TASP1: variants seen among roughly 807,000 people sequenced by gnomAD.
TASP1 encodes taspase 1, also known as threonine aspartase 1.
A neutral mutation model predicts 56.6 loss-of-function variants in TASP1; 16 were observed. The ratio of observed to expected loss-of-function variants is 0.28; its 90% CI spans 0.19 to 0.43. The LOEUF (loss-of-function observed/expected upper bound fraction) is 0.43, where lower values mean the gene tolerates loss of function less well. Ranked by LOEUF, TASP1 falls within the 20% of genes least tolerant of loss-of-function variation. TASP1 has a pLI of 1.00. For synonymous variants in TASP1, 179 were observed against 184.2 expected, an observed-to-expected ratio of 0.97 and a Z score of 0.23; for missense variants, 393 against 511.6, an observed-to-expected ratio of 0.77 and a Z score of 2.24.
At chr20:13,220,234 A>G in the TASP1 span, among the ~76,000 whole-genome samples, 2 of 152,190 alleles carry the variant, frequency 1.3e-5, no homozygotes, top group East Asian at 3.9e-4. Context: ...CGCTACTCCG[A>G]GTCACTTCGG....
At chr20:13,285,870 G>T in the TASP1 span, among the ~76,000 whole-genome samples, 2 of 152,192 alleles carry the variant, frequency 1.3e-5, no homozygotes, top group Admixed American at 1.3e-4. Flanking sequence ...CAAAGTTCAG[G>T]GGTGATGTCT....
At chr20:13,512,302 C>T (rs2044361469) in intron 10 of TASP1, among the ~76,000 whole-genome samples, 2 of 152,002 alleles carry the variant, frequency 1.3e-5, no homozygotes, top group African/African-American at 2.4e-5. Context: ...ACCATTCTAA[C>T]TGGTGTGAGA....
At chr20:13,185,367 T>C in the TASP1 span, among the ~76,000 whole-genome samples, 1 of 151,898 alleles carries the variant, frequency 6.6e-6, no homozygotes, top group Non-Finnish European at 1.5e-5. Context: ...CTTTCTGAAA[T>C]GTTCTTAGGT....
At chr20:13,185,653 C>T in the TASP1 span, among the ~76,000 whole-genome samples, 2 of 152,072 alleles carry the variant, frequency 1.3e-5, no homozygotes, top group Admixed American at 6.6e-5. Flanking sequence ...CAATGGAATT[C>T]TCTCTAAAAT....
At chr20:13,551,471 GA>G (rs2045981469) in intron 8 of TASP1, among the ~76,000 whole-genome samples, 2 of 151,386 alleles carry the variant, frequency 1.3e-5, no homozygotes, top group South Asian at 4.2e-4. Context: ...GAAGAGAAAG[GA>G]AAAAAAAGGC....
the TASP1 span, among the ~76,000 whole-genome samples, chr20:13,305,445 A>G: frequency 1.3e-5 from 2 of 152,224 alleles, no homozygotes; most frequent in Non-Finnish European, 2.9e-5. Flanking sequence ...AGAGTTATGA[A>G]TAAGCTTCCC....
the TASP1 span, among the ~76,000 whole-genome samples, chr20:13,355,276 A>C: frequency 2.0e-5 from 3 of 152,230 alleles, no homozygotes; most frequent in African/African-American, 7.2e-5. Context: ...ATTTTAAAAA[A>C]ACTTCTAAAA....
chr20:13,235,600 A>G, the TASP1 span, among the ~76,000 whole-genome samples: 90 of 152,242 alleles, frequency 5.9e-4, 1 homozygote, highest in Non-Finnish European at 1.2e-3. Flanking sequence ...AAGCTCTCAC[A>G]TGTCATCCTA....
At chr20:13,598,869 A>G (rs2047846414) in intron 4 of TASP1, among the ~76,000 whole-genome samples, 1 of 152,248 alleles carries the variant, frequency 6.6e-6, no homozygotes, top group Admixed American at 6.5e-5. Flanking sequence ...TAGGCAAAGG[A>G]TATGAACAGA....
At chr20:13,569,431 G>A (rs1433041463) in intron 7 of TASP1, 76 bp downstream of exon 7, 1 of 1,109,196 alleles carries the variant, frequency 9.0e-7, no homozygotes, top group Non-Finnish European at 1.3e-6. Flanking sequence ...TGTACTACAT[G>A]GGTCATAACA....
At chr20:13,172,548 CT>C in the TASP1 span, among the ~76,000 whole-genome samples, 1 of 151,882 alleles carries the variant, frequency 6.6e-6, no homozygotes, top group Non-Finnish European at 1.5e-5. Flanking sequence ...TTGTATTTGT[CT>C]TTTGCACATT....
chr20:13,148,666 G>A, the TASP1 span, among the ~76,000 whole-genome samples: 3 of 152,324 alleles, frequency 2.0e-5, no homozygotes, highest in African/African-American at 7.2e-5. Context: ...CATGGCCCTA[G>A]GGGTGGACCA....
the TASP1 span, among the ~76,000 whole-genome samples, chr20:13,376,028 C>T: frequency 6.6e-6 from 1 of 152,240 alleles, no homozygotes; most frequent in African/African-American, 2.4e-5. Flanking sequence ...TGTAGGTTGC[C>T]TGTTCACTCT....
chr20:13,630,971 A>T (rs1311129285), intron 1 of TASP1, among the ~76,000 whole-genome samples: 1 of 152,006 alleles, frequency 6.6e-6, no homozygotes, highest in Non-Finnish European at 1.5e-5. Context: ...ATCAAGCAAA[A>T]ATTTGAGCTT....
At chr20:13,310,522 T>C in the TASP1 span, among the ~76,000 whole-genome samples, 1 of 152,150 alleles carries the variant, frequency 6.6e-6, no homozygotes, top group Non-Finnish European at 1.5e-5. Flanking sequence ...TGGCAGAGAT[T>C]TGTCTCCTGC....
intron 4 of TASP1, among the ~76,000 whole-genome samples, chr20:13,603,268 T>C (rs1454406585): frequency 2.0e-5 from 3 of 151,528 alleles, no homozygotes; most frequent in African/African-American, 7.3e-5. Context: ...CCAGGCAGGG[T>C]GACTCACACC....
At chr20:13,239,959 A>T in the TASP1 span, among the ~76,000 whole-genome samples, 2 of 152,368 alleles carry the variant, frequency 1.3e-5, no homozygotes, top group African/African-American at 4.8e-5. Context: ...GTAAGTGTAC[A>T]TCTAAAGTGC....
chr20:13,223,169 AAAT>A, the TASP1 span, among the ~76,000 whole-genome samples: 3 of 145,172 alleles, frequency 2.1e-5, no homozygotes, highest in Admixed American at 6.7e-5. Flanking sequence ...AAAAAAAATA[AAAT>A]AAAATAAAAT....
At chr20:13,521,527 C>T (rs2044754277) in intron 10 of TASP1, among the ~76,000 whole-genome samples, 1 of 150,490 alleles carries the variant, frequency 6.6e-6, no homozygotes, top group Non-Finnish European at 1.5e-5. Context: ...CAAACTATCG[C>T]AAGGACAAAA....
Sources: allele counts gnomAD v4.1 joint callset (sites outside exome capture counted in the v4.1 genomes callset), GRCh38; gene constraint gnomAD v4.1.1; transcripts MANE v1.5; gene names NCBI Gene and HGNC (gene_info 2026-07-23, HGNC 2026-07-21).